Variants in ATP13A1 observed in about 807,000 individuals in gnomAD.
The protein encoded by ATP13A1 is endoplasmic reticulum transmembrane helix translocase.
ATP13A1 carries 55 observed loss-of-function variants against 134.8 expected under a neutral mutation model. The observed-to-expected ratio is 0.41, with a 90% CI of 0.33 to 0.51. The LOEUF (loss-of-function observed/expected upper bound fraction) is 0.51, where lower values mean the gene tolerates loss of function less well. ATP13A1 is among the 20% of genes least tolerant of loss of function. The probability of loss-of-function intolerance (pLI) is 0.29; values close to 1 mark genes in which losing one functional copy is unlikely to be tolerated. For missense variants in ATP13A1, 1,389 were observed against 1,652.8 expected, an observed-to-expected ratio of 0.84 and a Z score of 2.77; for synonymous variants, 775 against 725.1, an observed-to-expected ratio of 1.07 and a Z score of -1.10.
chr19:19,657,231 AG>A, intron 4 of ATP13A1, 82 bp from the exon 5 acceptor site: 1 of 1,485,870 alleles, frequency 6.7e-7, no homozygotes, highest in Non-Finnish European at 9.0e-7. Context: ...CTGATATGTG[AG>A]GGTGGGGAGA....
chr19:19,654,598 C>G lies in ATP13A1; in HGVS notation c.1758G>C (p.Val586=), dbSNP rs2062045397. Residue 586 remains valine (V), a synonymous_variant, in exon 13 of 26, where the codon GTG becomes GTC. Coordinates refer to ENST00000357324, the MANE Select transcript of ATP13A1 (RefSeq NM_020410.3). Reference sequence around the variant, plus strand: ...GCATGGCCTTCTCTAGAGGGTCACCCACGAGGGTGCCGTCGTCCAGCTGCA... The same window carrying G: ...GCATGGCCTTCTCTAGAGGGTCACCGACGAGGGTGCCGTCGTCCAGCTGCA... ...SLMQLDDGTL[V]GDPLEKAMLT... 2 of 1,613,438 alleles carry G rather than the reference C, an allele frequency of 1.2e-6. No homozygotes were observed. The highest frequency in any genetic ancestry group is 1.7e-6 in the Non-Finnish European group (2 of 1,179,866).
rs750406558 is a variant in ATP13A1, at chr19:19,645,626, CACCTCCACAGGGCCACTG to C, written c.3504+3_3504+20del. The C allele has an allele frequency of 6.4e-7, 1 of 1,563,436 alleles. No homozygotes were observed. The highest frequency in any genetic ancestry group is 1.2e-5 in the South Asian group (1 of 85,034). On this transcript the variant is annotated splice_donor_5th_base_variant and intron_variant, in intron 25 of 25. Coordinates refer to ENST00000357324, the MANE Select transcript of ATP13A1 (RefSeq NM_020410.3). The surrounding 1 kb of genome is among the most constrained non-coding windows in gnomAD (Gnocchi z 4.1). ...GACCCATCAAGCTGAGCCCCAGGGT[CACCTCCACAGGGCCACTG>C]ACCTCCACAGGGATGTCCACGAGGC...
intron 15 of ATP13A1, chr19:19,652,923 G>A (rs942170706): frequency 2.9e-6 from 2 of 680,948 alleles, no homozygotes; most frequent in Non-Finnish European, 4.7e-6. Flanking sequence ...AGTGACTGGG[G>A]GGTCTGGGTC....
In ATP13A1 at chr19:19,663,649, C is replaced by G. The variant is rs1313184012; in HGVS notation, c.18G>C (p.Ala6=). Residue 6 remains alanine, a synonymous_variant, in exon 1 of 26, where the codon GCG becomes GCC. Transcript: ENST00000357324. The part of the protein sequence containing the change: MAAAA[A]VGNAVPCGAR... The stretch of plus-strand genomic sequence containing the variant: ...CCCCGCAGGGCACCGCGTTGCCCAC[C>G]GCCGCCGCTGCCGCCATCTTTCCTA... 80 of 1,294,578 alleles carry G rather than the reference C, an allele frequency of 6.2e-5. No homozygotes were observed. The highest frequency in any genetic ancestry group is 7.6e-5 in the Non-Finnish European group (78 of 1,022,830). 80.2% of individuals were successfully genotyped at this position (1,294,578 alleles called of 1,614,324 possible).
At chr19:19,662,523 GAC>G (rs2062101138) in intron 1 of ATP13A1, among the ~76,000 whole-genome samples, 1 of 152,144 alleles carries the variant, frequency 6.6e-6, no homozygotes, top group East Asian at 1.9e-4. Flanking sequence ...AGAGAGAGAC[GAC>G]ACAGTCACTG....
Position 19,659,964 on chromosome 19 carries a change from G to C in ATP13A1, c.420C>G (p.Thr140=), listed in dbSNP as rs956152732. 1.0e-5 allele frequency: 16 copies of C among 1,578,872 alleles called. No individual in the cohort carries two copies. The highest frequency in any genetic ancestry group is 1.2e-5 in the Non-Finnish European group (14 of 1,163,760). The change falls in exon 2 of 26, where the codon ACC becomes ACG. Residue 140 remains threonine, a synonymous_variant. Coordinates refer to ENST00000357324, the MANE Select transcript of ATP13A1 (RefSeq NM_020410.3). The stretch of plus-strand genomic sequence containing the variant: ...TGGGGGTTGGCACCACCTTCACAAA[G>C]GTCGCTTTGCTGGGGTCGTACTCCT... ...CTPEYDPSKA[T]FVKVVPTPNN...
At position 19,645,937 on chromosome 19, in the gene ATP13A1, G is replaced by A; in HGVS notation, c.3297C>T (p.Val1099=). 2.5e-6 allele frequency: 4 copies of A among 1,613,616 alleles called. No homozygotes were observed. Among genetic ancestry groups the A allele is most frequent in the Non-Finnish European group, 3.4e-6 (4 of 1,179,886 alleles). The change falls in exon 24 of 26, where the codon GTC becomes GTT. Residue 1099 remains valine, a synonymous_variant. Transcript: ENST00000357324. The surrounding 1 kb of genome is among the most constrained non-coding windows in gnomAD (Gnocchi z 4.1). ...TGGCCATGATGTAGACGGTGCTGTT[G>A]ACCAGGCTTGGCTCAAACTCCTTGT... ...DLYKEFEPSL[V]NSTVYIMAMA...
At chr19:19,657,223 G>C in intron 4 of ATP13A1, 74 bp from the exon 5 acceptor site, 1 of 1,486,050 alleles carries the variant, frequency 6.7e-7, no homozygotes, top group Non-Finnish European at 9.0e-7. Flanking sequence ...CACCGGATCT[G>C]ATATGTGAGG....
At chr19:19,660,426 A>C (rs2062087167) in intron 1 of ATP13A1, 2 of 176,658 alleles carry the variant, frequency 1.1e-5, no homozygotes, top group Non-Finnish European at 1.2e-5. Flanking sequence ...GGTTGCAGTG[A>C]ACTGAGATTG....
intron 1 of ATP13A1, among the ~76,000 whole-genome samples, chr19:19,662,862 G>A (rs2062102782): frequency 1.3e-5 from 2 of 152,124 alleles, no homozygotes; most frequent in Admixed American, 1.3e-4. Context: ...CAGTGATCTC[G>A]CCTTACACTT....
chr19:19,661,196 T>C (rs1568431166), intron 1 of ATP13A1, among the ~76,000 whole-genome samples: 1 of 152,150 alleles, frequency 6.6e-6, no homozygotes. Flanking sequence ...AGGGCTCTGC[T>C]CTGCTGAAGG....
At chr19:19,663,049 G>A (rs1375869571) in intron 1 of ATP13A1, 2 of 739,208 alleles carry the variant, frequency 2.7e-6, no homozygotes, top group South Asian at 3.0e-5. Context: ...ACCATAACAG[G>A]GAGGACTTCA....
Position 19,659,837 on chromosome 19 carries a change from T to A in ATP13A1, c.487-46A>T, listed in dbSNP as rs372199721. The A allele has an allele frequency of 1.9e-6, 3 of 1,599,550 alleles. No individual in the cohort carries two copies. The South Asian group carries it at 3.3e-5, about 18-fold the overall frequency. On this transcript the variant is annotated intron_variant, in intron 2 of 25. Transcript: ENST00000357324. ...GCCACAGAGGCCCCTGACCTTGGGG[T>A]GTCAGCGCCTGGGAATCCTACTCAA...
chr19:19,658,682 T>G (rs1335418286), intron 3 of ATP13A1, among the ~76,000 whole-genome samples: 3 of 152,098 alleles, frequency 2.0e-5, no homozygotes, highest in African/African-American at 7.2e-5. Context: ...GCAGTTTTGG[T>G]GAAGATGAAG....
At position 19,647,345 on chromosome 19, in the gene ATP13A1, C is replaced by T; in HGVS notation, c.2909-20G>A. 5 of 1,569,006 alleles carry T rather than the reference C, an allele frequency of 3.2e-6. No individual in the cohort carries two copies. Among genetic ancestry groups the T allele is most frequent in the Non-Finnish European group, 4.3e-6 (5 of 1,154,922 alleles). On this transcript the variant is annotated intron_variant, in intron 21 of 25. Coordinates refer to ENST00000357324, the MANE Select transcript of ATP13A1 (RefSeq NM_020410.3). This position sits in a 1 kb window ranked among gnomAD's most constrained non-coding sequence, Gnocchi z 4.8. The stretch of plus-strand genomic sequence containing the variant: ...GGCAGACTGCAGGGTGGTGGGGAGG[C>T]AGGTGTGGGTGTGGGTAGGGGTGCC...
chr19:19,650,164 A>C (rs2062015076), intron 17 of ATP13A1: 1 of 590,178 alleles, frequency 1.7e-6, no homozygotes, highest in Non-Finnish European at 3.0e-6. Context: ...CTTGCCTGAG[A>C]GCCCGGGACA....
At position 19,645,785 on chromosome 19, in the gene ATP13A1, C is replaced by T. The variant is rs111876384; in HGVS notation, c.3366G>A (p.Pro1122=). 7.8e-5 allele frequency: 102 copies of T among 1,313,674 alleles called. No homozygotes were observed. The highest frequency in any genetic ancestry group is 6.3e-5 in the Admixed American group (3 of 47,986). 81.4% of individuals were successfully genotyped at this position (1,313,674 alleles called of 1,614,324 possible). Residue 1122 remains proline, a synonymous_variant, in exon 25 of 26, where the codon CCG becomes CCA. Transcript: ENST00000357324. This position sits in a 1 kb window ranked among gnomAD's most constrained non-coding sequence, Gnocchi z 4.1. ...MATFAINYKG[P]PFMESLPENK... ...TCTCGGGCAGGCTCTCCATGAAGGG[C>T]GGGCCCTGTGGGGATGAGGGACAGA...
chr19:19,661,952 C>T (rs1429283118), intron 1 of ATP13A1: 3 of 1,355,740 alleles, frequency 2.2e-6, no homozygotes, highest in Non-Finnish European at 3.1e-6. Flanking sequence ...CAGATATCAT[C>T]TCCGCTTCTC....
chr19:19,662,952 G>C (rs1018870288), intron 1 of ATP13A1: 1 of 492,972 alleles, frequency 2.0e-6, no homozygotes, highest in Non-Finnish European at 3.9e-6. Context: ...ATGGGAACTA[G>C]TATAAACAAC....
Sources: allele counts gnomAD v4.1 joint callset (sites outside exome capture counted in the v4.1 genomes callset), GRCh38; gene constraint gnomAD v4.1.1; non-coding constraint Gnocchi (gnomAD v3.1); transcripts MANE v1.5; gene names NCBI Gene and HGNC (gene_info 2026-07-23, HGNC 2026-07-21).